MFSD6: variants seen among roughly 807,000 people sequenced by gnomAD.
MFSD6 encodes the protein major facilitator superfamily domain-containing protein 6.
MFSD6 carries 26 observed loss-of-function variants against 56.3 expected under a neutral mutation model. The ratio of observed to expected loss-of-function variants is 0.46; its 90% CI spans 0.34 to 0.64. The LOEUF (loss-of-function observed/expected upper bound fraction) is 0.64, where lower values mean the gene tolerates loss of function less well. Among genes scored for constraint, MFSD6 ranks in the 30% least tolerant of loss-of-function variants. MFSD6 has a pLI of 0.01. For missense variants in MFSD6, 750 were observed against 986.2 expected, an observed-to-expected ratio of 0.76 and a Z score of 3.21; for synonymous variants, 331 against 366.9, an observed-to-expected ratio of 0.90 and a Z score of 1.12.
chr2:190,445,032 C>A, intron 3 of MFSD6: 1 of 187,882 alleles, frequency 5.3e-6, no homozygotes, highest in Non-Finnish European at 9.9e-6. Context: ...AAGTCTTGCA[C>A]CCTTCAGAGT....
chr2:190,452,601 G>C (rs1272667976), intron 3 of MFSD6, among the ~76,000 whole-genome samples: 3 of 152,208 alleles, frequency 2.0e-5, no homozygotes, highest in Admixed American at 1.3e-4. Flanking sequence ...CACAGGGTTA[G>C]ATTAGCAACT....
At position 190,425,301 on chromosome 2, in the gene MFSD6, T is replaced by G. The variant is rs528365785; in HGVS notation, c.-54+9888T>G. On this transcript the variant is annotated intron_variant, in intron 2 of 7. Coordinates refer to ENST00000392328, the MANE Select transcript of MFSD6 (RefSeq NM_017694.4). This position sits in a 1 kb window ranked among gnomAD's most constrained non-coding sequence, Gnocchi z 4.3. Reference sequence around the variant, plus strand: ...ACTGCAAATAGGGACAGTTTCTTTGTTTTTGATCTGTATGTCTTTTGTTTT... The same window carrying G: ...ACTGCAAATAGGGACAGTTTCTTTGGTTTTGATCTGTATGTCTTTTGTTTT... 1.3e-4 allele frequency among the ~76,000 whole-genome samples: 20 copies of G among 152,338 alleles called. 1 individual carries two copies. The highest frequency in any genetic ancestry group is 4.6e-4 in the African/African-American group (19 of 41,586).
intron 4 of MFSD6, among the ~76,000 whole-genome samples, chr2:190,472,315 T>C (rs1366226656): frequency 1.3e-5 from 2 of 152,084 alleles, no homozygotes; most frequent in African/African-American, 2.4e-5. Flanking sequence ...TTCAAACCCA[T>C]GGCAAAGAAG....
chr2:190,454,462 A>T lies in MFSD6; in HGVS notation c.1533-15296A>T, dbSNP rs1242106877. 2 of 152,158 alleles carry T rather than the reference A, an allele frequency of 1.3e-5. No individual in the cohort carries two copies. Among genetic ancestry groups the T allele is most frequent in the Non-Finnish European group, 1.5e-5 (1 of 68,058 alleles). 9.4% of individuals were successfully genotyped at this position (152,158 alleles called of 1,614,324 possible). On this transcript the variant is annotated intron_variant, in intron 3 of 7. Coordinates refer to ENST00000392328, the MANE Select transcript of MFSD6 (RefSeq NM_017694.4). This position sits in a 1 kb window ranked among gnomAD's most constrained non-coding sequence, Gnocchi z 4.6. The stretch of plus-strand genomic sequence containing the variant: ...AGGTCATGAGAGTGGGGCCCTCATA[A>T]TGGGGTTAGTGCCCTTACAAGAATA...
chr2:190,430,895 C>T (rs1483824346), intron 2 of MFSD6, among the ~76,000 whole-genome samples: 2 of 151,458 alleles, frequency 1.3e-5, no homozygotes, highest in Non-Finnish European at 2.9e-5. Context: ...GGAGACGCTC[C>T]TCACTTCCCA....
At chr2:190,475,138 C>T (rs1194458514) in intron 4 of MFSD6, among the ~76,000 whole-genome samples, 6 of 152,130 alleles carry the variant, frequency 3.9e-5, no homozygotes, top group Non-Finnish European at 8.8e-5. Context: ...GGAAGCATTC[C>T]CTTTGAAAAC....
At position 190,412,480 on chromosome 2, in the gene MFSD6, C is replaced by T. The variant is rs149149624; in HGVS notation, c.-175-2812C>T. On this transcript the variant is annotated intron_variant, in intron 1 of 7. Transcript: ENST00000392328. The surrounding 1 kb of genome is among the most constrained non-coding windows in gnomAD (Gnocchi z 4.1). The stretch of plus-strand genomic sequence containing the variant: ...TCAAGTGCAAAGTCCTACCCTACTA[C>T]AAGGCCAGTTTGGGTAAAATTTCTT... 1.3e-4 allele frequency: 125 copies of T among 985,388 alleles called. 1 individual carries two copies. The African/African-American group carries it at 1.6e-3, about 13-fold the overall frequency. The allele number at this position is 985,388 out of a possible 1,614,324, so 61.0% of individuals were successfully genotyped here.
At chr2:190,430,207 C>CT (rs71027220) in intron 2 of MFSD6, among the ~76,000 whole-genome samples, 59,689 of 132,002 alleles carry the variant, frequency 0.45, 13,336 homozygotes, top group East Asian at 0.6. Context: ...AGTCCTCATT[C>CT]TTTTTTTTTT....
rs929524098 is a variant in MFSD6, at chr2:190,425,838, T to G, written c.-53-10139T>G. Among the ~76,000 whole-genome samples, 1 of 152,204 alleles carries G rather than the reference T, an allele frequency of 6.6e-6. No homozygotes were observed. The highest frequency in any genetic ancestry group is 2.4e-5 in the African/African-American group (1 of 41,466). On this transcript the variant is annotated intron_variant, in intron 2 of 7. Coordinates refer to ENST00000392328, the MANE Select transcript of MFSD6 (RefSeq NM_017694.4). The surrounding 1 kb of genome is among the most constrained non-coding windows in gnomAD (Gnocchi z 4.3). ...TTTGGACAGTCTTTTTTTCTGGATA[T>G]AGCATTCTGCATTGACAATTCTTTT...
intron 3 of MFSD6, among the ~76,000 whole-genome samples, chr2:190,468,716 C>T (rs1342697836): frequency 6.6e-6 from 1 of 151,656 alleles, no homozygotes; most frequent in Non-Finnish European, 1.5e-5. Flanking sequence ...GCCTCAGCCT[C>T]CCAGGGTGCT....
At chr2:190,445,293 A>G (rs1686533474) in intron 3 of MFSD6, among the ~76,000 whole-genome samples, 1 of 152,168 alleles carries the variant, frequency 6.6e-6, no homozygotes, top group Non-Finnish European at 1.5e-5. Flanking sequence ...ATTGTTAACT[A>G]TCAGTGGTGG....
intron 4 of MFSD6, among the ~76,000 whole-genome samples, chr2:190,484,476 G>A (rs1012634695): frequency 3.9e-5 from 6 of 151,910 alleles, no homozygotes; most frequent in African/African-American, 7.3e-5. Context: ...TGTCGTTTTC[G>A]GTAGCACAAT....
At chr2:190,420,127 G>T (rs1685558463) in intron 2 of MFSD6, among the ~76,000 whole-genome samples, 1 of 135,408 alleles carries the variant, frequency 7.4e-6, no homozygotes, top group African/African-American at 2.7e-5. Flanking sequence ...ATTGATTCAT[G>T]TTCATTGCCC....
At chr2:190,493,697 C>G (rs1049645116) in intron 6 of MFSD6, among the ~76,000 whole-genome samples, 3 of 152,064 alleles carry the variant, frequency 2.0e-5, no homozygotes, top group African/African-American at 7.2e-5. Flanking sequence ...TGGAATAAAA[C>G]TGGAAATCAA....
Position 190,497,629 on chromosome 2 carries a change from C to T in MFSD6, c.2082C>T (p.Pro694=). 1.2e-6 allele frequency: 2 copies of T among 1,614,132 alleles called. No individual in the cohort carries two copies. Among genetic ancestry groups the T allele is most frequent in the Non-Finnish European group, 1.7e-6 (2 of 1,179,996 alleles). The change falls in exon 7 of 8, where the codon CCC becomes CCT. Residue 694 remains proline, a synonymous_variant. Transcript: ENST00000392328. This position sits in a 1 kb window ranked among gnomAD's most constrained non-coding sequence, Gnocchi z 5.2. ...CAGCCTGGGGAGTCAGCTCTTCTCC[C>T]TGGGTGACCTTTGTCTATGCACTCT... ...NKPAWGVSSS[P]WVTFVYALYQ...
At position 190,498,879 on chromosome 2, in the gene MFSD6, G is replaced by T. The variant is rs371581779; in HGVS notation, c.2173-1136G>T. Among the ~76,000 whole-genome samples, 93 of 152,258 alleles carry T rather than the reference G, an allele frequency of 6.1e-4. 1 individual carries two copies. The South Asian group carries it at 0.019, about 31-fold the overall frequency. ...TAAATTTTTTTCTGGGCTGGGCATG[G>T]TGGCTTATGCCTGTAATCCAAGCAC... is the stretch of plus-strand genomic sequence containing the variant. On this transcript the variant is annotated intron_variant, in intron 7 of 7. Coordinates refer to ENST00000392328, the MANE Select transcript of MFSD6 (RefSeq NM_017694.4). The surrounding 1 kb of genome is among the most constrained non-coding windows in gnomAD (Gnocchi z 5.9).
rs1686199182 is a variant in MFSD6 at position 190,437,022 on chromosome 2, C to A, written c.993C>A (p.Gly331=). The A allele has an allele frequency of 1.9e-6, 3 of 1,614,090 alleles. No homozygotes were observed. Among genetic ancestry groups the A allele is most frequent in the Admixed American group, 1.7e-5 (1 of 60,002 alleles). Residue 331 remains glycine (G), a synonymous_variant, in exon 3 of 8, where the codon GGC becomes GGA. Coordinates refer to ENST00000392328, the MANE Select transcript of MFSD6 (RefSeq NM_017694.4). The surrounding 1 kb of genome is among the most constrained non-coding windows in gnomAD (Gnocchi z 5.9). Reference sequence around the variant, plus strand: ...GCTATGGGTTGCAGCGCATGTGGGGCTCCCTGGGCTGGGGCCTGGCGATGC... The same window carrying A: ...GCTATGGGTTGCAGCGCATGTGGGGATCCCTGGGCTGGGGCCTGGCGATGC... ...RDRYGLQRMW[G]SLGWGLAMLS...
intron 3 of MFSD6, chr2:190,464,984 A>G (rs779464460): frequency 7.5e-6 from 6 of 801,418 alleles, no homozygotes; most frequent in Non-Finnish European, 9.1e-6. Flanking sequence ...AACTAACTAC[A>G]CTGTTAGGAA....
In MFSD6 at chr2:190,488,829, C is replaced by T. The variant is rs1036159912; in HGVS notation, c.1792+11C>T. ...TAGTCAATTATTTTGGTAAGAATGGCTTTCTCCTTTTTTTTCTTTTCTATT... is the reference window on the plus strand; with the variant it reads ...TAGTCAATTATTTTGGTAAGAATGGTTTTCTCCTTTTTTTTCTTTTCTATT... On this transcript the variant is annotated intron_variant, in intron 5 of 7. Transcript: ENST00000392328. The surrounding 1 kb of genome is among the most constrained non-coding windows in gnomAD (Gnocchi z 6.4). 1.4e-5 allele frequency: 22 copies of T among 1,527,664 alleles called. No homozygotes were observed. Among genetic ancestry groups the T allele is most frequent in the East Asian group, 2.4e-5 (1 of 41,790 alleles). The allele number at this position is 1,527,664 out of a possible 1,614,324, so 94.6% of individuals were successfully genotyped here.
Sources: allele counts gnomAD v4.1 joint callset (sites outside exome capture counted in the v4.1 genomes callset), GRCh38; gene constraint gnomAD v4.1.1; non-coding constraint Gnocchi (gnomAD v3.1); transcripts MANE v1.5; gene names NCBI Gene and HGNC (gene_info 2026-07-23, HGNC 2026-07-21).